The following MAP2K4 variants were observed in gnomAD, a reference collection of about 807,000 sequenced individuals.
MAP2K4 encodes the protein dual specificity mitogen-activated protein kinase kinase 4.
A neutral mutation model predicts 48.5 loss-of-function variants in MAP2K4; 4 were observed. The ratio of observed to expected loss-of-function variants is 0.08; its 90% confidence interval spans 0.04 to 0.19. MAP2K4 has a LOEUF of 0.19. Ranked by LOEUF, MAP2K4 falls within the 10% of genes least tolerant of loss-of-function variation. The pLI is 1.00. For missense variants in MAP2K4, 258 were observed against 493.3 expected (o/e 0.52, Z 4.52); for synonymous variants, 166 against 173.1 (o/e 0.96, Z 0.32).
intron 1 of MAP2K4, among the ~76,000 whole-genome samples, chr17:12,028,105 AGAAGTTAGATACTTGCCC>A (rs1969319157): frequency 6.6e-6 from 1 of 152,202 alleles, no homozygotes; most frequent in Admixed American, 6.5e-5. Context: ...TGAGGCTCAT[AGAAGTTAGATACTTGCCC>A]GAAGGAACAT....
At chr17:12,027,246 G>T (rs1233874449) in intron 1 of MAP2K4, among the ~76,000 whole-genome samples, 1 of 152,144 alleles carries the variant, frequency 6.6e-6, no homozygotes, top group East Asian at 1.9e-4. Context: ...AAAGGGAGAT[G>T]ATTAGCCAGT....
Position 12,081,257 on chromosome 17 carries a change from A to T in MAP2K4, c.219-99A>T. 1 of 912,360 alleles carries T rather than the reference A, an allele frequency of 1.1e-6. No individual in the cohort carries two copies. The highest frequency in any genetic ancestry group is 1.6e-6 in the Non-Finnish European group (1 of 616,066). The allele number at this position is 912,360 out of a possible 1,614,324, so 56.5% of individuals were successfully genotyped here. A position where few individuals can be genotyped will look rare whatever the true frequency, so the allele number is the denominator to read the frequency against. The stretch of plus-strand genomic sequence containing the variant: ...AACCTGGAGGTCAGACTATTTTAGT[A>T]ATTTAGAAAACATTTTTCCCACACA... On this transcript the variant is annotated intron_variant, in intron 2 of 10. Coordinates refer to ENST00000353533, the MANE Select transcript of MAP2K4 (RefSeq NM_003010.4). This position sits in a 1 kb window ranked among gnomAD's most constrained non-coding sequence, Gnocchi z 4.2.
intron 4 of MAP2K4, among the ~76,000 whole-genome samples, chr17:12,101,512 A>G (rs1374867631): frequency 1.3e-5 from 2 of 151,992 alleles, no homozygotes; most frequent in East Asian, 3.9e-4. Flanking sequence ...GGATTTTAGA[A>G]TCCACTTGTC....
At chr17:12,139,359 G>A (rs1338564995) in intron 9 of MAP2K4, among the ~76,000 whole-genome samples, 1 of 152,068 alleles carries the variant, frequency 6.6e-6, no homozygotes, top group Non-Finnish European at 1.5e-5. Flanking sequence ...GAGATACAGA[G>A]TATAAACTTT....
intron 1 of MAP2K4, among the ~76,000 whole-genome samples, chr17:12,034,613 TGAATG>T (rs1969536624): frequency 6.6e-6 from 1 of 152,186 alleles, no homozygotes; most frequent in African/African-American, 2.4e-5. Context: ...GGTACAGAAA[TGAATG>T]GAATAGGCCC....
intron 2 of MAP2K4, among the ~76,000 whole-genome samples, chr17:12,073,471 A>G (rs1372443747): frequency 1.3e-5 from 2 of 152,332 alleles, no homozygotes; most frequent in East Asian, 3.9e-4. Context: ...CCATGGGAGC[A>G]GTGAGTGCTC....
chr17:12,022,158 A>C (rs538970778), intron 1 of MAP2K4, among the ~76,000 whole-genome samples: 1 of 152,202 alleles, frequency 6.6e-6, no homozygotes, highest in Admixed American at 6.5e-5. Context: ...GGTTCAACAG[A>C]CATTTATTGA....
chr17:12,115,833 G>A (rs915879729), intron 7 of MAP2K4: 51 of 709,458 alleles, frequency 7.2e-5, no homozygotes, highest in East Asian at 3.4e-4. Context: ...TGCACTGTGC[G>A]ATGGGAGAAT....
chr17:12,101,023 C>T (rs936278381), intron 4 of MAP2K4, among the ~76,000 whole-genome samples: 1 of 151,990 alleles, frequency 6.6e-6, no homozygotes, highest in Non-Finnish European at 1.5e-5. Flanking sequence ...TTATATATAT[C>T]TATTCTTCAC....
At chr17:12,041,995 A>G (rs1197908542) in intron 1 of MAP2K4, among the ~76,000 whole-genome samples, 1 of 151,988 alleles carries the variant, frequency 6.6e-6, no homozygotes, top group South Asian at 2.1e-4. Flanking sequence ...AGCCTGGCCA[A>G]CATGGCGAAA....
intron 1 of MAP2K4, among the ~76,000 whole-genome samples, chr17:12,053,181 A>T (rs1970193236): frequency 1.3e-5 from 2 of 151,950 alleles, no homozygotes; most frequent in South Asian, 4.1e-4. Context: ...TACTAAAAAA[A>T]CCTTTTTTTT....
chr17:12,028,929 T>C (rs1237956053), intron 1 of MAP2K4, among the ~76,000 whole-genome samples: 1 of 152,244 alleles, frequency 6.6e-6, no homozygotes, highest in Non-Finnish European at 1.5e-5. Context: ...GATAATATTC[T>C]TTATTTAAAA....
intron 2 of MAP2K4, among the ~76,000 whole-genome samples, chr17:12,059,875 C>T (rs1040009620): frequency 1.3e-5 from 2 of 152,170 alleles, no homozygotes; most frequent in Non-Finnish European, 2.9e-5. Flanking sequence ...ATAAACGTTG[C>T]TGTCTTAGAA....
intron 2 of MAP2K4, chr17:12,069,758 CA>C: frequency 1.8e-6 from 2 of 1,105,696 alleles, no homozygotes; most frequent in Non-Finnish European, 2.3e-6. Flanking sequence ...CCGGAATTAA[CA>C]GAGCTGCATT....
intron 1 of MAP2K4, among the ~76,000 whole-genome samples, chr17:12,031,368 G>A (rs1343085700): frequency 6.6e-6 from 1 of 152,022 alleles, no homozygotes; most frequent in Non-Finnish European, 1.5e-5. Context: ...TTTTTTCTGC[G>A]TGTTTTGATT....
intron 4 of MAP2K4, among the ~76,000 whole-genome samples, chr17:12,099,288 A>T (rs900442396): frequency 3.3e-5 from 5 of 151,628 alleles, no homozygotes; most frequent in African/African-American, 9.7e-5. Flanking sequence ...TCACATTTTT[A>T]AAAATGTGGA....
intron 2 of MAP2K4, among the ~76,000 whole-genome samples, chr17:12,064,718 T>C (rs1970558465): frequency 6.6e-6 from 1 of 152,192 alleles, no homozygotes; most frequent in Admixed American, 6.5e-5. Flanking sequence ...CCTTTTGTTA[T>C]TTGCCTAAGA....
intron 2 of MAP2K4, among the ~76,000 whole-genome samples, chr17:12,068,042 A>G (rs926585350): frequency 2.6e-5 from 4 of 152,196 alleles, no homozygotes; most frequent in African/African-American, 4.8e-5. Flanking sequence ...GAAGGGATTG[A>G]TGAGTGTTCC....
rs1190442821 is a variant in MAP2K4, at chr17:12,143,532, G to A, written c.*2272G>A. 8.7e-6 allele frequency: 2 copies of A among 231,172 alleles called. No homozygotes were observed. The highest frequency in any genetic ancestry group is 1.7e-5 in the Non-Finnish European group (2 of 116,628). The allele number at this position is 231,172 out of a possible 1,614,324, so 14.3% of individuals were successfully genotyped here. On this transcript the variant is annotated 3_prime_UTR_variant, in exon 11 of 11. Coordinates refer to ENST00000353533, the MANE Select transcript of MAP2K4 (RefSeq NM_003010.4). ...GTATAAAAATTATCAAAAAGCTAATGTGCAGGGATATTGCCTTATTTGTCT... is the reference window on the plus strand; with the variant it reads ...GTATAAAAATTATCAAAAAGCTAATATGCAGGGATATTGCCTTATTTGTCT...
Sources: allele counts gnomAD v4.1 joint callset (sites outside exome capture counted in the v4.1 genomes callset), GRCh38; gene constraint gnomAD v4.1.1; non-coding constraint Gnocchi (gnomAD v3.1); transcripts MANE v1.5; gene names NCBI Gene and HGNC (gene_info 2026-07-23, HGNC 2026-07-21).